Variants in RBMS3 observed in about 807,000 individuals in gnomAD.
The protein encoded by RBMS3 is RNA binding motif single stranded interacting protein 3, also known as RNA-binding motif, single-stranded-interacting protein 3.
RBMS3 carries 27 observed loss-of-function variants against 66.8 expected under a neutral mutation model. The observed-to-expected ratio is 0.40, with a 90% CI of 0.30 to 0.56. RBMS3 has a LOEUF of 0.56. Ranked by LOEUF, RBMS3 falls within the 20% of genes least tolerant of loss-of-function variation. RBMS3 has a pLI of 0.40. For missense variants in RBMS3, 513 were observed against 549.5 expected, an observed-to-expected ratio of 0.93 and a Z score of 0.66; for synonymous variants, 188 against 183.0, an observed-to-expected ratio of 1.03 and a Z score of -0.22.
intron 3 of RBMS3, among the ~76,000 whole-genome samples, chr3:29,549,147 C>A (rs2046091974): frequency 8.5e-6 from 1 of 117,008 alleles, no homozygotes; most frequent in Non-Finnish European, 1.7e-5. Flanking sequence ...CTTGAATTTT[C>A]TTGCTTTCCT....
chr3:29,698,487 CTT>C, intron 4 of RBMS3: 1 of 985,200 alleles, frequency 1.0e-6, no homozygotes, highest in South Asian at 4.7e-5. Flanking sequence ...TCTCAGCACT[CTT>C]TGTTTATTCA....
chr3:29,672,718 T>A (rs1475048916), intron 4 of RBMS3, among the ~76,000 whole-genome samples: 1 of 152,166 alleles, frequency 6.6e-6, no homozygotes, highest in African/African-American at 2.4e-5. Context: ...AAGGGATCAA[T>A]TCAACAAGAA....
At chr3:29,445,457 G>C (rs1316679773) in intron 2 of RBMS3, among the ~76,000 whole-genome samples, 2 of 151,880 alleles carry the variant, frequency 1.3e-5, no homozygotes, top group Non-Finnish European at 2.9e-5. Flanking sequence ...TCAGGTTTCA[G>C]CTGTCAAACA....
At chr3:29,548,385 G>A (rs1002801836) in intron 3 of RBMS3, among the ~76,000 whole-genome samples, 4 of 151,860 alleles carry the variant, frequency 2.6e-5, no homozygotes, top group Non-Finnish European at 5.9e-5. Flanking sequence ...ATCTATGATC[G>A]TGCCGTTGTA....
At chr3:29,713,073 G>C (rs940865370) in intron 4 of RBMS3, among the ~76,000 whole-genome samples, 2 of 151,798 alleles carry the variant, frequency 1.3e-5, no homozygotes, top group Admixed American at 6.6e-5. Context: ...AATTCTTCAA[G>C]ACCTTCTTAG....
At chr3:29,872,267 T>G in intron 7 of RBMS3, among the ~76,000 whole-genome samples, 1 of 152,134 alleles carries the variant, frequency 6.6e-6, no homozygotes, top group Non-Finnish European at 1.5e-5. Flanking sequence ...AACAGTATAT[T>G]TTATTAAAAT....
chr3:29,547,196 C>A (rs9877507), intron 3 of RBMS3, among the ~76,000 whole-genome samples: 41,357 of 151,972 alleles, frequency 0.27, 8,170 homozygotes, highest in African/African-American at 0.55. Flanking sequence ...AACTCTTGAC[C>A]ACAAGTAATC....
intron 10 of RBMS3, among the ~76,000 whole-genome samples, chr3:29,920,405 G>A (rs2060740765): frequency 6.6e-6 from 1 of 152,092 alleles, no homozygotes; most frequent in South Asian, 2.1e-4. Flanking sequence ...GCCAAACTAA[G>A]CACTGCATTT....
At chr3:29,691,241 A>C (rs992666892) in intron 4 of RBMS3, among the ~76,000 whole-genome samples, 23 of 152,254 alleles carry the variant, frequency 1.5e-4, no homozygotes, top group African/African-American at 4.6e-4. Flanking sequence ...ATTTTGCAGA[A>C]CAAAAGTTTT....
At chr3:29,310,250 A>G (rs1451745091) in intron 1 of RBMS3, among the ~76,000 whole-genome samples, 1 of 151,698 alleles carries the variant, frequency 6.6e-6, no homozygotes, top group East Asian at 1.9e-4. Context: ...GAAATAGATC[A>G]TGTCTGAAAA....
intron 7 of RBMS3, chr3:29,880,950 G>T (rs1185537293): frequency 1.0e-6 from 1 of 971,584 alleles, no homozygotes; most frequent in Non-Finnish European, 1.6e-6. Context: ...TTTCCAGGGA[G>T]CTCATGCTAA....
chr3:29,919,334 A>G (rs959067773), intron 10 of RBMS3, among the ~76,000 whole-genome samples: 1 of 152,150 alleles, frequency 6.6e-6, no homozygotes, highest in Admixed American at 6.5e-5. Flanking sequence ...GAAGTCAGAG[A>G]TGGACAGGTA....
chr3:29,879,926 A>G lies in RBMS3; in HGVS notation c.745-4236A>G, dbSNP rs184756430. ...TCTGAAGTAGCAATGCCTGGTTCCT[A>G]ATGTGTACTCTTTAAGCAGTATTTC... On this transcript the variant is annotated intron_variant, in intron 7 of 14. Transcript: ENST00000383767. Among the ~76,000 whole-genome samples the G allele has an allele frequency of 3.7e-4, 57 of 152,262 alleles. 1 individual carries two copies. In the East Asian group the frequency reaches 0.011, roughly 28 times the overall value.
intron 3 of RBMS3, among the ~76,000 whole-genome samples, chr3:29,551,330 T>C (rs752935502): frequency 6.6e-6 from 1 of 152,204 alleles, no homozygotes; most frequent in Non-Finnish European, 1.5e-5. Context: ...TCAGGAAACA[T>C]GGGAGAGAGC....
At chr3:29,535,710 C>CTT (rs149022808) in intron 3 of RBMS3, among the ~76,000 whole-genome samples, 1,437 of 39,664 alleles carry the variant, frequency 0.036, 348 homozygotes, top group African/African-American at 0.044. Flanking sequence ...GATCATTGCT[C>CTT]TTTTTTTTTT....
intron 3 of RBMS3, among the ~76,000 whole-genome samples, chr3:29,490,458 T>C (rs1273424137): frequency 1.3e-5 from 2 of 152,092 alleles, no homozygotes; most frequent in East Asian, 3.9e-4. Flanking sequence ...CCTACATACA[T>C]GTTGAGTCTT....
chr3:29,348,376 T>G (rs1173572429), intron 1 of RBMS3, among the ~76,000 whole-genome samples: 3 of 151,984 alleles, frequency 2.0e-5, no homozygotes, highest in Non-Finnish European at 1.5e-5. Flanking sequence ...TCGATGCAGG[T>G]GGGGTTGTGC....
intron 5 of RBMS3, among the ~76,000 whole-genome samples, chr3:29,760,601 G>A (rs1290028268): frequency 6.6e-6 from 1 of 151,340 alleles, no homozygotes; most frequent in African/African-American, 2.4e-5. Flanking sequence ...GATCCTGTGG[G>A]AAGAGAGAAA....
chr3:29,696,551 C>T (rs1361698502), intron 4 of RBMS3, among the ~76,000 whole-genome samples: 2 of 152,142 alleles, frequency 1.3e-5, no homozygotes, highest in East Asian at 1.9e-4. Flanking sequence ...GTTACATCAG[C>T]CACCCTGTCT....
Sources: allele counts gnomAD v4.1 joint callset (sites outside exome capture counted in the v4.1 genomes callset), GRCh38; gene constraint gnomAD v4.1.1; transcripts MANE v1.5; gene names NCBI Gene and HGNC (gene_info 2026-07-23, HGNC 2026-07-21).